Variants in AHCY observed in about 807,000 individuals in gnomAD.
The protein encoded by AHCY is adenosylhomocysteinase.
AHCY carries 24 observed loss-of-function variants against 45.4 expected under a neutral mutation model. That is an observed-to-expected ratio of 0.53 (90% CI 0.38 to 0.74). AHCY has a LOEUF of 0.74. AHCY is among the 30% of genes least tolerant of loss of function. The pLI is 0.00. For missense variants in AHCY, 449 were observed against 594.1 expected, an observed-to-expected ratio of 0.76 and a Z score of 2.54; for synonymous variants, 245 against 235.1, an observed-to-expected ratio of 1.04 and a Z score of -0.39.
chr20:34,235,862 AAGGAAAGGAAGGAAGG>A, the AHCY span, among the ~76,000 whole-genome samples: 7 of 54,958 alleles, frequency 1.3e-4, no homozygotes, highest in East Asian at 1.9e-3. Flanking sequence ...GGAAGGAAGG[AAGGAAAGGAAGGAAGG>A]AAGGAAGGAA....
chr20:34,275,320 C>CG (rs2035901804), downstream of AHCY, among the ~76,000 whole-genome samples: 1 of 151,642 alleles, frequency 6.6e-6, no homozygotes, highest in South Asian at 2.1e-4. Context: ...TTAGTAGAGA[C>CG]GGGGTTTCAC....
chr20:34,300,658 G>A (rs2036739134), intron 1 of AHCY, among the ~76,000 whole-genome samples: 1 of 152,252 alleles, frequency 6.6e-6, no homozygotes, highest in Admixed American at 6.5e-5. Context: ...GTGCACCAGG[G>A]TGACTCAAAT....
Position 34,280,986 on chromosome 20 carries a change from G to T in AHCY, c.*48C>A. 1 of 1,612,628 alleles carries T rather than the reference G, an allele frequency of 6.2e-7. No homozygotes were observed. ...CATTAGCTCTTAGGGAGGAGAGGTG[G>T]GGCCTGGGCAAGGACAGCAGCTGGA... On this transcript the variant is annotated 3_prime_UTR_variant, in exon 10 of 10. Transcript: ENST00000217426.
the AHCY span, among the ~76,000 whole-genome samples, chr20:34,232,895 T>C: frequency 6.6e-6 from 1 of 152,108 alleles, no homozygotes; most frequent in Non-Finnish European, 1.5e-5. Context: ...AAACAAACCA[T>C]GTAACTATTT....
At chr20:34,304,645 G>C (rs1043101263), upstream of AHCY, among the ~76,000 whole-genome samples, 2 of 151,306 alleles carry the variant, frequency 1.3e-5, no homozygotes, top group Non-Finnish European at 2.9e-5. Context: ...TCAGCCTCCC[G>C]AGTGGCTTGG....
Position 34,289,901 on chromosome 20 carries a change from G to A in AHCY, c.972+431C>T, listed in dbSNP as rs2036315527. Among the ~76,000 whole-genome samples, 4 of 152,114 alleles carry A rather than the reference G, an allele frequency of 2.6e-5. No individual in the cohort carries two copies. In the South Asian group the frequency reaches 8.3e-4, roughly 32 times the overall value. On this transcript the variant is annotated intron_variant, in intron 8 of 9. Coordinates refer to ENST00000217426, the MANE Select transcript of AHCY (RefSeq NM_000687.4). The stretch of plus-strand genomic sequence containing the variant: ...CTTCCAAAGTGCTGGGATTACAGGT[G>A]TGAGCCACCATGCCCGGCCAAAGCT...
the AHCY span, among the ~76,000 whole-genome samples, chr20:34,269,948 A>T: frequency 1.0e-4 from 2 of 20,096 alleles, no homozygotes; most frequent in African/African-American, 3.9e-4. Flanking sequence ...CTCTGTCTTA[A>T]AAAAAAAAAA....
chr20:34,295,842 T>C (rs1351863811), intron 1 of AHCY, among the ~76,000 whole-genome samples: 1 of 152,080 alleles, frequency 6.6e-6, no homozygotes, highest in Non-Finnish European at 1.5e-5. Context: ...AATTACAACA[T>C]AAAGAAGCGT....
chr20:34,297,975 C>A (rs2036626869), intron 1 of AHCY, among the ~76,000 whole-genome samples: 1 of 152,078 alleles, frequency 6.6e-6, no homozygotes, highest in South Asian at 2.1e-4. Flanking sequence ...CCCGTCTCTA[C>A]TAAAAATACA....
chr20:34,243,440 G>A, the AHCY span, among the ~76,000 whole-genome samples: 11 of 152,300 alleles, frequency 7.2e-5, no homozygotes, highest in East Asian at 2.1e-3. Flanking sequence ...AATAATTTTA[G>A]TGTTGTTAAG....
the AHCY span, among the ~76,000 whole-genome samples, chr20:34,261,408 C>A: frequency 6.6e-6 from 1 of 152,134 alleles, no homozygotes; most frequent in Non-Finnish European, 1.5e-5. Flanking sequence ...CTGAGGCGGG[C>A]AGATCTCTTG....
At chr20:34,291,254 T>A (rs550141168) in intron 5 of AHCY, among the ~76,000 whole-genome samples, 165 bp downstream of exon 5, 1 of 152,340 alleles carries the variant, frequency 6.6e-6, no homozygotes, top group Non-Finnish European at 1.5e-5. Flanking sequence ...CACCCAGCTC[T>A]GACACCCCTT....
Position 34,285,449 on chromosome 20 carries a change from C to G in AHCY, c.1158G>C (p.Leu386=). Residue 386 remains leucine, a synonymous_variant, in exon 9 of 10, where the codon CTG becomes CTC. Coordinates refer to ENST00000217426, the MANE Select transcript of AHCY (RefSeq NM_000687.4). ...PDKYPVGVHF[L]PKKLDEAVAE... is the part of the protein sequence containing the mutation. ...AGAAGAATAAACCCACCTTCTTGGG[C>G]AGGAAATGAACCCCAACGGGGTACT... 1 of 1,613,976 alleles carries G rather than the reference C, an allele frequency of 6.2e-7. No homozygotes were observed. The highest frequency in any genetic ancestry group is 2.2e-5 in the East Asian group (1 of 44,880).
downstream of AHCY, among the ~76,000 whole-genome samples, chr20:34,277,021 A>G (rs755655277): frequency 6.6e-6 from 1 of 152,066 alleles, no homozygotes; most frequent in Non-Finnish European, 1.5e-5. Context: ...CCTCACTGGC[A>G]TCAACAGTCC....
At chr20:34,271,911 A>G in the AHCY span, among the ~76,000 whole-genome samples, 1 of 152,172 alleles carries the variant, frequency 6.6e-6, no homozygotes, top group Admixed American at 6.5e-5. Flanking sequence ...TTACAAAGTG[A>G]GAAGTAAATC....
At chr20:34,284,503 G>A (rs748892272) in intron 9 of AHCY, among the ~76,000 whole-genome samples, 2 of 152,140 alleles carry the variant, frequency 1.3e-5, no homozygotes, top group Non-Finnish European at 2.9e-5. Context: ...CGTGCAGCCT[G>A]CAGACTGCAC....
the AHCY span, among the ~76,000 whole-genome samples, chr20:34,258,770 A>C: frequency 7.8e-5 from 7 of 90,306 alleles, no homozygotes; most frequent in African/African-American, 2.9e-4. Context: ...GATATATATA[A>C]TATATATAGT....
chr20:34,282,746 C>T (rs1212705440), intron 9 of AHCY, among the ~76,000 whole-genome samples: 1 of 152,146 alleles, frequency 6.6e-6, no homozygotes, highest in Non-Finnish European at 1.5e-5. Flanking sequence ...CTTATGGCCT[C>T]TAGAGCAGCT....
the AHCY span, among the ~76,000 whole-genome samples, chr20:34,235,831 A>AGG: frequency 4.4e-5 from 3 of 67,686 alleles, no homozygotes; most frequent in African/African-American, 4.7e-4. Flanking sequence ...GAAAGAAAGA[A>AGG]AGAAAGAAAG....
Sources: gnomAD v4.1 joint callset for allele counts (sites outside exome capture counted in the v4.1 genomes callset) on GRCh38, gnomAD v4.1.1 for gene constraint, MANE v1.5 for transcripts, NCBI Gene and HGNC (gene_info 2026-07-23, HGNC 2026-07-21) for gene names.